DOCK10: variants seen among roughly 807,000 people sequenced by gnomAD.
DOCK10 encodes dedicator of cytokinesis 10.
DOCK10 carries 145 observed loss-of-function variants against 280.1 expected under a neutral mutation model. The observed-to-expected ratio is 0.52, with a 90% CI of 0.45 to 0.59. DOCK10 has a LOEUF of 0.59. Ranked by LOEUF, DOCK10 falls within the 20% of genes least tolerant of loss-of-function variation. The pLI is 0.00. For missense variants in DOCK10, 2,368 were observed against 2,651.7 expected (o/e 0.89, Z 2.35); for synonymous variants, 915 against 942.2 (o/e 0.97, Z 0.53).
chr2:224,985,481 C>T (rs565067430), intron 1 of DOCK10, among the ~76,000 whole-genome samples: 7 of 151,656 alleles, frequency 4.6e-5, no homozygotes, highest in East Asian at 1.9e-4. Context: ...CAGAGATAGC[C>T]GTGTTGTGTA....
chr2:224,864,402 G>A, intron 13 of DOCK10, 151 bp downstream of exon 13: 1 of 706,566 alleles, frequency 1.4e-6, no homozygotes. Flanking sequence ...CCCAGCTACT[G>A]GGGAGGCTGA....
At chr2:224,990,141 C>T (rs1433207196) in intron 1 of DOCK10, among the ~76,000 whole-genome samples, 2 of 152,182 alleles carry the variant, frequency 1.3e-5, no homozygotes, top group African/African-American at 4.8e-5. Context: ...TTCGTTGGTA[C>T]ATTTGGATGC....
intron 2 of DOCK10, among the ~76,000 whole-genome samples, chr2:224,925,838 T>C (rs1290774288): frequency 6.6e-6 from 1 of 152,228 alleles, no homozygotes; most frequent in Non-Finnish European, 1.5e-5. Context: ...CAACTTTTTT[T>C]CTGCTATTTT....
chr2:224,841,708 A>C lies in DOCK10; in HGVS notation c.2661+96T>G, dbSNP rs768367381. 3.8e-4 allele frequency: 272 copies of C among 720,532 alleles called. 1 individual carries two copies. The highest frequency in any genetic ancestry group is 6.1e-4 in the Non-Finnish European group (250 of 407,134). The allele number at this position is 720,532 out of a possible 1,614,324, so 44.6% of individuals were successfully genotyped here. A position where few individuals can be genotyped will look rare whatever the true frequency, so the allele number is the denominator to read the frequency against. ...AGGTATTAAAAAATCTTGAGTAATA[A>C]TCATCTCCCAGTTTGCCCATCGGTG... On this transcript the variant is annotated intron_variant, in intron 23 of 55. Coordinates refer to ENST00000258390, the MANE Select transcript of DOCK10 (RefSeq NM_014689.3).
chr2:225,003,851 T>G (rs563470440), intron 1 of DOCK10, among the ~76,000 whole-genome samples: 1 of 152,302 alleles, frequency 6.6e-6, no homozygotes, highest in Non-Finnish European at 1.5e-5. Flanking sequence ...CTGTGTGACT[T>G]GTTCAGTGGC....
chr2:224,855,261 T>C (rs1327530104), intron 15 of DOCK10, among the ~76,000 whole-genome samples: 1 of 152,194 alleles, frequency 6.6e-6, no homozygotes, highest in Non-Finnish European at 1.5e-5. Flanking sequence ...AAAATACAAA[T>C]CAGGGAGGGG....
chr2:224,820,329 C>T (rs983548674), intron 28 of DOCK10, among the ~76,000 whole-genome samples: 6 of 152,202 alleles, frequency 3.9e-5, no homozygotes, highest in African/African-American at 1.4e-4. Flanking sequence ...TAACCAGTAA[C>T]CAAGCTACCA....
At position 224,823,579 on chromosome 2, in the gene DOCK10, G is replaced by C; in HGVS notation, c.3105C>G (p.Ser1035=). ...CCTTGTATTTCCAAATCACATGGTC[G>C]GATAGGACCATGACAAGATTGTCCA... is the stretch of plus-strand genomic sequence containing the variant. ...NELDNLVMVL[S]DHVIWKYKDA... The change falls in exon 28 of 56, where the codon TCC becomes TCG. Residue 1035 remains serine (S), a synonymous_variant. Coordinates refer to ENST00000258390, the MANE Select transcript of DOCK10 (RefSeq NM_014689.3). The C allele has an allele frequency of 3.1e-6, 5 of 1,607,168 alleles. No homozygotes were observed. The highest frequency in any genetic ancestry group is 4.2e-6 in the Non-Finnish European group (5 of 1,177,632).
chr2:224,886,159 C>A lies in DOCK10; in HGVS notation c.516G>T (p.Lys172Asn), dbSNP rs1315630782. 4 of 1,613,662 alleles carry A rather than the reference C, an allele frequency of 2.5e-6. No homozygotes were observed. Among genetic ancestry groups the A allele is most frequent in the South Asian group, 1.1e-5 (1 of 91,082 alleles). Residue 172 changes from lysine to asparagine, a missense_variant, in exon 6 of 56, where the codon AAG becomes AAT. Coordinates refer to ENST00000258390, the MANE Select transcript of DOCK10 (RefSeq NM_014689.3). ...CAGTTCCTCCCGCTCCTCCACCCCC[C>A]TTGGAAGACGAGTGGGAAGTGGTAT... ...DEDTTSHSSS[K>N]GGGGAGGTGV...
intron 1 of DOCK10, among the ~76,000 whole-genome samples, chr2:224,975,801 G>A (rs190673239): frequency 6.6e-6 from 1 of 152,272 alleles, no homozygotes; most frequent in African/African-American, 2.4e-5. Context: ...AAGTACTTGA[G>A]CAGGAAAGAA....
Position 224,973,564 on chromosome 2 carries a change from C to T in DOCK10, c.124-41896G>A, listed in dbSNP as rs139872426. 3.3e-5 allele frequency among the ~76,000 whole-genome samples: 5 copies of T among 152,216 alleles called. No individual in the cohort carries two copies. The East Asian group carries it at 7.7e-4, about 24-fold the overall frequency. Reference sequence around the variant, plus strand: ...CAAGGAAACAGATTCTCCCCTAGCACCCCGAGAAAGGAATGCAGCTCTGCC... The same window carrying T: ...CAAGGAAACAGATTCTCCCCTAGCATCCCGAGAAAGGAATGCAGCTCTGCC... On this transcript the variant is annotated intron_variant, in intron 1 of 55. Transcript: ENST00000258390.
At chr2:224,821,372 C>A (rs1224478918) in intron 28 of DOCK10, among the ~76,000 whole-genome samples, 1 of 152,098 alleles carries the variant, frequency 6.6e-6, no homozygotes, top group Admixed American at 6.6e-5. Context: ...CCCAATTGAG[C>A]AAATAACTAT....
At chr2:224,869,871 A>G (rs1698159498) in intron 11 of DOCK10, among the ~76,000 whole-genome samples, 1 of 152,206 alleles carries the variant, frequency 6.6e-6, no homozygotes, top group African/African-American at 2.4e-5. Flanking sequence ...AAAGCCCACT[A>G]TCTTTGATTT....
chr2:225,021,618 C>T (rs185151666), intron 1 of DOCK10, among the ~76,000 whole-genome samples: 192 of 152,278 alleles, frequency 1.3e-3, no homozygotes, highest in Admixed American at 3.2e-3. Context: ...GTTCCTGTAA[C>T]GATCACACAT....
chr2:224,890,379 G>A (rs1006033423), intron 4 of DOCK10, among the ~76,000 whole-genome samples: 3 of 152,166 alleles, frequency 2.0e-5, no homozygotes, highest in African/African-American at 7.2e-5. Context: ...AACAAAGTAA[G>A]GTTCTCTTGA....
intron 3 of DOCK10, among the ~76,000 whole-genome samples, chr2:224,904,074 G>T (rs555767526): frequency 6.6e-6 from 1 of 151,998 alleles, no homozygotes; most frequent in South Asian, 2.1e-4. Flanking sequence ...AAAAAATTGG[G>T]GCGATCCATT....
At chr2:224,969,179 TG>T (rs964514089) in intron 1 of DOCK10, among the ~76,000 whole-genome samples, 19 of 152,160 alleles carry the variant, frequency 1.2e-4, no homozygotes, top group African/African-American at 4.6e-4. Flanking sequence ...TCCTCTCAAA[TG>T]GGGGTACCAG....
chr2:225,035,568 A>AT (rs1432961398), intron 1 of DOCK10, among the ~76,000 whole-genome samples: 1,969 of 57,020 alleles, frequency 0.035, 136 homozygotes, highest in Middle Eastern at 0.1. Context: ...ATATATATAT[A>AT]TATATATATA....
At chr2:224,966,995 T>G (rs369084626) in intron 1 of DOCK10, among the ~76,000 whole-genome samples, 100 of 152,082 alleles carry the variant, frequency 6.6e-4, no homozygotes, top group African/African-American at 2.3e-3. Context: ...ACATTGTAGC[T>G]GCTAAAACAA....
Sources: gnomAD v4.1 joint callset for allele counts (sites outside exome capture counted in the v4.1 genomes callset) on GRCh38, gnomAD v4.1.1 for gene constraint, MANE v1.5 for transcripts, NCBI Gene and HGNC (gene_info 2026-07-23, HGNC 2026-07-21) for gene names.